The following ANKRD30A variants were observed in gnomAD, a reference collection of about 807,000 sequenced individuals.
ANKRD30A encodes the protein ankyrin repeat domain 30A.
ANKRD30A carries 170 observed loss-of-function variants against 166.3 expected under a neutral mutation model. The observed-to-expected ratio is 1.02, with a 90% CI of 0.90 to 1.16. ANKRD30A has a LOEUF of 1.16. Among genes scored for constraint, ANKRD30A ranks in the 50% most tolerant of loss-of-function variants. The pLI is 0.00. For synonymous variants in ANKRD30A, 564 were observed against 508.9 expected, an observed-to-expected ratio of 1.11 and a Z score of -1.46; for missense variants, 1,630 against 1,518.0, an observed-to-expected ratio of 1.07 and a Z score of -1.23.
At chr10:37,152,507 C>T (rs1430198834) in intron 12 of ANKRD30A, among the ~76,000 whole-genome samples, 1 of 151,986 alleles carries the variant, frequency 6.6e-6, no homozygotes, top group East Asian at 1.9e-4. Context: ...CATAGAGAGA[C>T]ATTTTAAACT....
In ANKRD30A at chr10:37,137,558, C is replaced by T. The variant is rs545828589; in HGVS notation, c.820+887C>T. ...GTGCTTTTCCAATGGTCTTAGCAAA[C>T]GGCACACCAGGAGATTATATCCCGA... On this transcript the variant is annotated intron_variant, in intron 6 of 35. Transcript: ENST00000361713. 1.5e-4 allele frequency among the ~76,000 whole-genome samples: 23 copies of T among 152,282 alleles called. No homozygotes were observed. The East Asian group carries it at 3.1e-3, about 21-fold the overall frequency.
rs927219640 is a variant in ANKRD30A, at chr10:37,218,979, G to A, written c.3268-1G>A. Reference sequence around the variant, plus strand: ...CTAAAAGTTTATTTTGTTTTATTTAGGTTTCTCACACTCATGAAAATGAAA... The same window carrying A: ...CTAAAAGTTTATTTTGTTTTATTTAAGTTTCTCACACTCATGAAAATGAAA... On this transcript the variant is annotated splice_acceptor_variant, in intron 33 of 35. Transcript: ENST00000361713. LOFTEE classifies it high-confidence loss of function. 1.3e-6 allele frequency: 2 copies of A among 1,563,618 alleles called. No homozygotes were observed. Among genetic ancestry groups the A allele is most frequent in the African/African-American group, 2.8e-5 (2 of 71,960 alleles).
At chr10:37,222,147 A>G (rs2132750792) in intron 34 of ANKRD30A, among the ~76,000 whole-genome samples, 1 of 151,268 alleles carries the variant, frequency 6.6e-6, no homozygotes, top group East Asian at 1.9e-4. Context: ...ACAACTCAGC[A>G]TCTCTTAATA....
At chr10:37,263,823 C>T in the ANKRD30A span, among the ~76,000 whole-genome samples, 1 of 152,094 alleles carries the variant, frequency 6.6e-6, no homozygotes, top group Admixed American at 6.5e-5. Context: ...GAGACAGTGG[C>T]AATTAATCCA....
In ANKRD30A at chr10:37,156,046, A is replaced by C. The variant is rs900547374; in HGVS notation, c.1799-2346A>C. Among the ~76,000 whole-genome samples the C allele has an allele frequency of 2.7e-5, 4 of 149,906 alleles. No homozygotes were observed. The South Asian group carries it at 8.4e-4, about 31-fold the overall frequency. On this transcript the variant is annotated intron_variant, in intron 13 of 35. Coordinates refer to ENST00000361713, the MANE Select transcript of ANKRD30A (RefSeq NM_052997.3). Reference sequence around the variant, plus strand: ...TAGCGAGCCAAGATCTCGCCAGTGCACTCCAGTCTGGGCAACAGAGTGATA... The same window carrying C: ...TAGCGAGCCAAGATCTCGCCAGTGCCCTCCAGTCTGGGCAACAGAGTGATA...
At chr10:37,202,631 T>C (rs1015270943) in intron 31 of ANKRD30A, among the ~76,000 whole-genome samples, 4 of 151,918 alleles carry the variant, frequency 2.6e-5, no homozygotes, top group Non-Finnish European at 4.4e-5. Flanking sequence ...AAGAAATAAC[T>C]AAAATCAGAG....
At chr10:37,129,090 T>G (rs1836227506) in intron 1 of ANKRD30A, among the ~76,000 whole-genome samples, 2 of 152,190 alleles carry the variant, frequency 1.3e-5, no homozygotes, top group Admixed American at 6.5e-5. Context: ...TTTGTTGTCT[T>G]TATTTCAACT....
At chr10:37,168,009 C>T (rs1423754480) in intron 19 of ANKRD30A, among the ~76,000 whole-genome samples, 1 of 63,708 alleles carries the variant, frequency 1.6e-5, no homozygotes, top group African/African-American at 6.7e-5. Context: ...TCATGATTTG[C>T]TCCTGTGATT....
At chr10:37,155,740 C>T (rs1323689418) in intron 13 of ANKRD30A, among the ~76,000 whole-genome samples, 1 of 152,114 alleles carries the variant, frequency 6.6e-6, no homozygotes, top group Non-Finnish European at 1.5e-5. Context: ...TGTCATTCTA[C>T]AGCAACTGTT....
In ANKRD30A at chr10:37,162,781, C is replaced by T; in HGVS notation, c.1935C>T (p.Ala645=). 1 of 1,613,690 alleles carries T rather than the reference C, an allele frequency of 6.2e-7. No homozygotes were observed. The highest frequency in any genetic ancestry group is 8.5e-7 in the Non-Finnish European group (1 of 1,179,794). The change falls in exon 17 of 36, where the codon GCC becomes GCT. Residue 645 remains alanine (A), a synonymous_variant. Transcript: ENST00000361713. ...TTGCTTCCAACCCCATTTAGCCTGCCACTGAAATGCAAAAGTCTGTCCCAA... is the reference window on the plus strand; with the variant it reads ...TTGCTTCCAACCCCATTTAGCCTGCTACTGAAATGCAAAAGTCTGTCCCAA... ...PPGKPSAFEP[A]TEMQKSVPNK...
intron 30 of ANKRD30A, among the ~76,000 whole-genome samples, chr10:37,200,042 A>G (rs1472661133): frequency 6.6e-6 from 1 of 152,072 alleles, no homozygotes; most frequent in Non-Finnish European, 1.5e-5. Context: ...AGAATTCACT[A>G]GAAATTCACA....
At chr10:37,217,316 T>A (rs1842653240) in intron 32 of ANKRD30A, among the ~76,000 whole-genome samples, 2 of 151,016 alleles carry the variant, frequency 1.3e-5, no homozygotes, top group South Asian at 4.1e-4. Context: ...TCAGTTAACT[T>A]TAATCAGTCA....
chr10:37,139,366 T>A (rs1836945773), intron 6 of ANKRD30A, among the ~76,000 whole-genome samples: 3 of 152,134 alleles, frequency 2.0e-5, no homozygotes, highest in African/African-American at 7.2e-5. Context: ...CTGTGGGCAT[T>A]TATTAGTAAA....
chr10:37,147,505 TA>T, intron 9 of ANKRD30A, 48 bp downstream of exon 9: 1 of 1,290,046 alleles, frequency 7.8e-7, no homozygotes, highest in Non-Finnish European at 1.1e-6. Flanking sequence ...TATGTTTGTC[TA>T]AATGCATGAT....
intron 25 of ANKRD30A, among the ~76,000 whole-genome samples, chr10:37,190,362 T>G (rs1354153109): frequency 6.6e-6 from 1 of 151,688 alleles, no homozygotes; most frequent in Non-Finnish European, 1.5e-5. Flanking sequence ...AGCAACTGGA[T>G]AGAAGGTCAG....
At chr10:37,165,465 G>T (rs2132607948) in intron 18 of ANKRD30A, among the ~76,000 whole-genome samples, 1 of 152,330 alleles carries the variant, frequency 6.6e-6, no homozygotes, top group South Asian at 2.1e-4. Context: ...ATTACACTGA[G>T]TCGAGCTATG....
intron 31 of ANKRD30A, among the ~76,000 whole-genome samples, chr10:37,210,726 A>G (rs907400102): frequency 6.6e-6 from 1 of 152,098 alleles, no homozygotes; most frequent in African/African-American, 2.4e-5. Flanking sequence ...AGTGATGATG[A>G]GCTTTTTTTC....
intron 12 of ANKRD30A, among the ~76,000 whole-genome samples, chr10:37,153,319 A>T (rs145409139): frequency 1.3e-5 from 2 of 152,126 alleles, no homozygotes; most frequent in Non-Finnish European, 2.9e-5. Context: ...TTTTTTTATC[A>T]AGGTGATTTG....
the ANKRD30A span, among the ~76,000 whole-genome samples, chr10:37,258,227 C>T: frequency 6.6e-6 from 1 of 152,146 alleles, no homozygotes; most frequent in African/African-American, 2.4e-5. Flanking sequence ...TTTCTATTTA[C>T]TAAATTATGG....
Sources: allele counts gnomAD v4.1 joint callset (sites outside exome capture counted in the v4.1 genomes callset), GRCh38; gene constraint gnomAD v4.1.1; transcripts MANE v1.5; gene names NCBI Gene and HGNC (gene_info 2026-07-23, HGNC 2026-07-21).